The following NAV1 variants were observed in gnomAD, a reference collection of about 807,000 sequenced individuals.
NAV1 encodes the protein neuron navigator 1, also known as pore membrane and/or filament interacting like protein 3.
In NAV1, 18 loss-of-function variants were observed where a neutral mutation model predicts 175.2. That is an observed-to-expected ratio of 0.10 (90% CI 0.07 to 0.15). The LOEUF (loss-of-function observed/expected upper bound fraction) is 0.15. NAV1 is among the 10% of genes least tolerant of loss of function. The pLI is 1.00. For synonymous variants in NAV1, 897 were observed against 978.7 expected, an observed-to-expected ratio of 0.92 and a Z score of 1.56; for missense variants, 1,731 against 2,436.6, an observed-to-expected ratio of 0.71 and a Z score of 6.10.
intron 15 of NAV1, among the ~76,000 whole-genome samples, chr1:201,802,786 A>T (rs1558183144): frequency 1.3e-5 from 2 of 152,020 alleles, no homozygotes; most frequent in Admixed American, 6.5e-5. Flanking sequence ...CTCAAAAAAA[A>T]AAAGAAAGAA....
At position 201,800,817 on chromosome 1, in the gene NAV1, C is replaced by CT. The variant is rs61404613; in HGVS notation, c.3518-2752dup. 5.3e-3 allele frequency among the ~76,000 whole-genome samples: 478 copies of CT among 90,774 alleles called. 16 individuals are homozygous for CT. The highest frequency in any genetic ancestry group is 0.019 in the African/African-American group (414 of 21,502). The allele number at this position is 90,774 out of a possible 152,430, so 59.6% of individuals were successfully genotyped here. The stretch of plus-strand genomic sequence containing the variant: ...TTTTTTTAACTTCAACTTGGTGTAT[C>CT]TTTTTTTTTTTTTTTTTTTTTTTTA... On this transcript the variant is annotated intron_variant, in intron 15 of 29. Transcript: ENST00000367296.
chr1:201,760,828 GA>G (rs1192088474), intron 3 of NAV1, among the ~76,000 whole-genome samples: 1 of 152,110 alleles, frequency 6.6e-6, no homozygotes, highest in Non-Finnish European at 1.5e-5. Flanking sequence ...CAAGCCTCTG[GA>G]CCTAGAGAGG....
At chr1:201,649,889 C>T (rs1197688370) in intron 1 of NAV1, among the ~76,000 whole-genome samples, 10 of 152,090 alleles carry the variant, frequency 6.6e-5, no homozygotes, top group Non-Finnish European at 1.0e-4. Flanking sequence ...TGATTGGCCC[C>T]GGAACACAGC....
intron 1 of NAV1, among the ~76,000 whole-genome samples, chr1:201,587,361 A>T (rs1320946989): frequency 1.3e-5 from 2 of 152,220 alleles, no homozygotes; most frequent in African/African-American, 4.8e-5. Context: ...TGTAAATCAC[A>T]TATCTGACAA....
At chr1:201,742,850 T>C (rs904303883) in intron 3 of NAV1, among the ~76,000 whole-genome samples, 3 of 146,250 alleles carry the variant, frequency 2.1e-5, no homozygotes, top group African/African-American at 7.4e-5. Context: ...CCACACTTGC[T>C]GGATTAACCT....
intron 2 of NAV1, among the ~76,000 whole-genome samples, chr1:201,615,204 G>A (rs1479624198): frequency 6.6e-6 from 1 of 152,072 alleles, no homozygotes; most frequent in Non-Finnish European, 1.5e-5. Flanking sequence ...TTGGGAGGAC[G>A]GAGGAGGTAT....
intron 29 of NAV1, 81 bp from the exon 34 acceptor site, chr1:201,819,756 A>G: frequency 7.8e-7 from 1 of 1,286,278 alleles, no homozygotes; most frequent in Non-Finnish European, 1.1e-6. Flanking sequence ...AAGTGTTGGG[A>G]TTTTGTTGTT....
intron 3 of NAV1, among the ~76,000 whole-genome samples, chr1:201,756,824 C>CTTTCTT (rs1429335753): frequency 2.5e-5 from 1 of 40,104 alleles, no homozygotes; most frequent in South Asian, 7.8e-4. Context: ...TTCTTTCTTT[C>CTTTCTT]TTTCTTTCTT....
rs542973018 is a variant in NAV1, at chr1:201,750,853, C to G, written c.1227-29568C>G. Among the ~76,000 whole-genome samples the G allele has an allele frequency of 2.0e-5, 3 of 152,138 alleles. No individual in the cohort carries two copies. Among genetic ancestry groups the G allele is most frequent in the Middle Eastern group, 6.8e-3 (2 of 294 alleles). ...CCCCTTTTCTAAATTGAGAAGTGGTCTGGATCTACCCTGTATCAGAACAGG... is the reference window on the plus strand; with the variant it reads ...CCCCTTTTCTAAATTGAGAAGTGGTGTGGATCTACCCTGTATCAGAACAGG... On this transcript the variant is annotated intron_variant, in intron 3 of 29. Transcript: ENST00000367296. The surrounding 1 kb of genome is among the most constrained non-coding windows in gnomAD (Gnocchi z 4.1).
intron 3 of NAV1, chr1:201,723,558 A>G (rs986903598): frequency 2.0e-5 from 3 of 152,158 alleles, no homozygotes; most frequent in African/African-American, 7.2e-5. Flanking sequence ...TGAGAGTTTT[A>G]TAGCTGATGG....
At chr1:201,809,288 TG>T (rs1211245819) in intron 21 of NAV1, 27 bp downstream of exon 25, 2 of 1,609,630 alleles carry the variant, frequency 1.2e-6, no homozygotes, top group Non-Finnish European at 1.7e-6. Context: ...AGAGCCACAG[TG>T]GGAATGAACA....
At chr1:201,569,892 C>G (rs185887915) in intron 1 of NAV1, among the ~76,000 whole-genome samples, 2 of 152,134 alleles carry the variant, frequency 1.3e-5, no homozygotes, top group East Asian at 3.8e-4. Flanking sequence ...AGTGTGTGAT[C>G]GTTGACAAGT....
chr1:201,809,317 C>G, intron 21 of NAV1, 56 bp downstream of exon 25: 6 of 1,600,990 alleles, frequency 3.7e-6, no homozygotes, highest in Non-Finnish European at 5.1e-6. Context: ...TTACATTTAT[C>G]CAAGAAAATC....
At chr1:201,814,903 G>T (rs1195394002) in intron 28 of NAV1, among the ~76,000 whole-genome samples, 1 of 151,904 alleles carries the variant, frequency 6.6e-6, no homozygotes, top group Non-Finnish European at 1.5e-5. Flanking sequence ...GCTAGATGTG[G>T]TGGTGGGCAC....
intron 1 of NAV1, among the ~76,000 whole-genome samples, chr1:201,554,921 T>C (rs1371765414): frequency 6.6e-6 from 1 of 152,196 alleles, no homozygotes; most frequent in Non-Finnish European, 1.5e-5. Context: ...CCTCTTCTAG[T>C]GTCCGGTGCT....
At chr1:201,767,472 A>G (rs537969287) in intron 3 of NAV1, among the ~76,000 whole-genome samples, 7 of 152,324 alleles carry the variant, frequency 4.6e-5, no homozygotes, top group African/African-American at 1.7e-4. Flanking sequence ...AAATAAAAAT[A>G]AAAAGTAAAA....
chr1:201,735,000 T>C (rs1673050947), intron 3 of NAV1, among the ~76,000 whole-genome samples: 1 of 152,150 alleles, frequency 6.6e-6, no homozygotes. Context: ...ATATAAATAT[T>C]TGTTGAACAG....
chr1:201,600,292 T>C (rs1383361793), intron 2 of NAV1, among the ~76,000 whole-genome samples: 1 of 152,236 alleles, frequency 6.6e-6, no homozygotes, highest in African/African-American at 2.4e-5. Flanking sequence ...CTTTTACTCC[T>C]GCCCCATGCC....
intron 3 of NAV1, among the ~76,000 whole-genome samples, chr1:201,752,751 C>T (rs1054144235): frequency 1.8e-4 from 27 of 151,746 alleles, no homozygotes; most frequent in East Asian, 1.2e-3. Context: ...TTGGTTTACA[C>T]GAAAAAAATC....
Sources: allele counts gnomAD v4.1 joint callset (sites outside exome capture counted in the v4.1 genomes callset), GRCh38; gene constraint gnomAD v4.1.1; non-coding constraint Gnocchi (gnomAD v3.1); transcripts MANE v1.5; gene names NCBI Gene and HGNC (gene_info 2026-07-23, HGNC 2026-07-21).